The following MEIS2 variants were observed in gnomAD, a reference collection of about 807,000 sequenced individuals.
The protein encoded by MEIS2 is homeobox protein Meis2.
In MEIS2, 9 loss-of-function variants were observed where a neutral mutation model predicts 58.6. The observed-to-expected ratio is 0.15, with a 90% CI of 0.09 to 0.27. The LOEUF (loss-of-function observed/expected upper bound fraction) is 0.27, where lower values mean the gene tolerates loss of function less well. Ranked by LOEUF, MEIS2 falls within the 10% of genes least tolerant of loss-of-function variation. The pLI is 1.00. For synonymous variants in MEIS2, 221 were observed against 228.4 expected (o/e 0.97, Z 0.29); for missense variants, 427 against 635.0 (o/e 0.67, Z 3.52).
chr15:37,053,441 T>C (rs972824139), intron 7 of MEIS2, among the ~76,000 whole-genome samples: 3 of 152,202 alleles, frequency 2.0e-5, no homozygotes, highest in Non-Finnish European at 2.9e-5. Context: ...CTTCACTTCA[T>C]AGCTGTAAAA....
chr15:37,049,140 AAT>A (rs1243302364), intron 7 of MEIS2, among the ~76,000 whole-genome samples: 1 of 152,224 alleles, frequency 6.6e-6, no homozygotes, highest in Non-Finnish European at 1.5e-5. Flanking sequence ...AATGCAAATG[AAT>A]ATCTACAACA....
intron 7 of MEIS2, among the ~76,000 whole-genome samples, chr15:37,078,501 C>A (rs748324088): frequency 7.4e-6 from 1 of 135,988 alleles, no homozygotes; most frequent in Non-Finnish European, 1.6e-5. Flanking sequence ...AGCACATCTC[C>A]ATTAAATATC....
intron 8 of MEIS2, among the ~76,000 whole-genome samples, chr15:37,021,140 T>C (rs1028196977): frequency 2.0e-5 from 3 of 152,218 alleles, no homozygotes; most frequent in Non-Finnish European, 4.4e-5. Flanking sequence ...GGTATTTTGT[T>C]ATGGCAGCCC....
intron 9 of MEIS2, among the ~76,000 whole-genome samples, chr15:36,936,269 A>G (rs2058169607): frequency 2.3e-5 from 2 of 85,812 alleles, no homozygotes; most frequent in Non-Finnish European, 4.5e-5. Context: ...ATCTCGGCTC[A>G]CTGCAAGCTC....
rs148267561 is a variant in MEIS2, at chr15:36,938,882, G to A, written c.977+11442C>T. 9.2e-5 allele frequency among the ~76,000 whole-genome samples: 14 copies of A among 152,290 alleles called. No individual in the cohort carries two copies. The East Asian group carries it at 1.5e-3, about 17-fold the overall frequency. On this transcript the variant is annotated intron_variant, in intron 9 of 11. Transcript: ENST00000561208. The stretch of plus-strand genomic sequence containing the variant: ...GACCCAAGCTGCTGATGTCCAGCCC[G>A]TTCTCTTTCACGCACCACACTGCAT...
At chr15:36,920,880 A>G (rs1440498669) in intron 9 of MEIS2, among the ~76,000 whole-genome samples, 2 of 152,188 alleles carry the variant, frequency 1.3e-5, no homozygotes, top group Non-Finnish European at 2.9e-5. Flanking sequence ...CAGTCTGACA[A>G]ATATGGGTGG....
At chr15:36,982,127 A>G (rs1479413720) in intron 8 of MEIS2, among the ~76,000 whole-genome samples, 1 of 152,106 alleles carries the variant, frequency 6.6e-6, no homozygotes, top group Non-Finnish European at 1.5e-5. Context: ...CAATTCACAC[A>G]ATAAATTTCC....
chr15:36,950,119 G>T (rs143264282), intron 9 of MEIS2, among the ~76,000 whole-genome samples: 4 of 151,034 alleles, frequency 2.6e-5, no homozygotes, highest in Non-Finnish European at 5.9e-5. Flanking sequence ...GAGAGAAAAA[G>T]AAAAGGAATA....
intron 9 of MEIS2, among the ~76,000 whole-genome samples, chr15:36,932,432 A>T (rs1483164556): frequency 6.6e-6 from 1 of 152,254 alleles, no homozygotes; most frequent in Non-Finnish European, 1.5e-5. Context: ...AGTGAGAACC[A>T]TCTGTTGCCA....
At position 37,099,565 on chromosome 15, in the gene MEIS2, C is replaced by G; in HGVS notation, c.-99G>C. Reference sequence around the variant, plus strand: ...GCTGAAGATTCCTTTTTTTTTTTTCCAAACCAAAGAGACTTCTCCCAATTC... The same window carrying G: ...GCTGAAGATTCCTTTTTTTTTTTTCGAAACCAAAGAGACTTCTCCCAATTC... On this transcript the variant is annotated 5_prime_UTR_variant, in exon 1 of 12. Coordinates refer to ENST00000561208, the MANE Select transcript of MEIS2 (RefSeq NM_170675.5). 2 of 1,515,468 alleles carry G rather than the reference C, an allele frequency of 1.3e-6. No homozygotes were observed. The highest frequency in any genetic ancestry group is 2.3e-5 in the East Asian group (1 of 43,194). The allele number at this position is 1,515,468 out of a possible 1,614,324, so 93.9% of individuals were successfully genotyped here. A position where few individuals can be genotyped will look rare whatever the true frequency, so the allele number is the denominator to read the frequency against.
rs142096380 is a variant in MEIS2 at position 36,895,556 on chromosome 15, G to T, written c.1037-295C>A. 6.0e-4 allele frequency among the ~76,000 whole-genome samples: 91 copies of T among 152,254 alleles called. No homozygotes were observed. The East Asian group carries it at 0.013, about 21-fold the overall frequency. The stretch of plus-strand genomic sequence containing the variant: ...GGGACGAAGGCTGGAGAAGTTAGGG[G>T]TACCCCATATACAAATATTGCAATG... On this transcript the variant is annotated intron_variant, in intron 10 of 11. Transcript: ENST00000561208.
chr15:36,953,644 C>CTTTATGATAGAATA (rs1454645327), intron 8 of MEIS2, among the ~76,000 whole-genome samples: 1 of 152,152 alleles, frequency 6.6e-6, no homozygotes, highest in Non-Finnish European at 1.5e-5. Context: ...TCTAAAGCCA[C>CTTTATGATAGAATA]TGTTGAATAG....
chr15:36,956,542 G>C (rs1308847439), intron 8 of MEIS2, among the ~76,000 whole-genome samples: 1 of 152,124 alleles, frequency 6.6e-6, no homozygotes, highest in Non-Finnish European at 1.5e-5. Flanking sequence ...CCCAAGTTAG[G>C]TTAATGGGAG....
chr15:37,046,300 T>C (rs1243397523), intron 7 of MEIS2, among the ~76,000 whole-genome samples: 1 of 152,128 alleles, frequency 6.6e-6, no homozygotes, highest in Non-Finnish European at 1.5e-5. Flanking sequence ...CGAGACAACC[T>C]GGCTGGTACA....
At chr15:36,920,146 A>T (rs2141292948) in intron 9 of MEIS2, among the ~76,000 whole-genome samples, 1 of 151,412 alleles carries the variant, frequency 6.6e-6, no homozygotes, top group African/African-American at 2.4e-5. Flanking sequence ...TTATTTATTT[A>T]TTTATTTATT....
intron 9 of MEIS2, among the ~76,000 whole-genome samples, chr15:36,928,811 G>C (rs2057852245): frequency 6.6e-6 from 1 of 152,124 alleles, no homozygotes; most frequent in African/African-American, 2.4e-5. Context: ...ATTGAAAATA[G>C]TATCTTCTAT....
At chr15:36,982,325 C>T (rs763144785) in intron 8 of MEIS2, among the ~76,000 whole-genome samples, 8 of 152,136 alleles carry the variant, frequency 5.3e-5, no homozygotes, top group Non-Finnish European at 8.8e-5. Flanking sequence ...TTCTCCCAGC[C>T]CATGGCAATC....
At chr15:36,971,542 A>AAAAAAAAAAAAAAAAAAG (rs2059566627) in intron 8 of MEIS2, among the ~76,000 whole-genome samples, 1 of 114,470 alleles carries the variant, frequency 8.7e-6, no homozygotes, top group African/African-American at 3.1e-5. Flanking sequence ...TACATTAAAA[A>AAAAAAAAAAAAAAAAAAG]AAAAAAAAAA....
intron 9 of MEIS2, among the ~76,000 whole-genome samples, chr15:36,931,433 AC>A (rs1455341531): frequency 6.6e-6 from 1 of 152,226 alleles, no homozygotes; most frequent in African/African-American, 2.4e-5. Flanking sequence ...TTGTGTTGTA[AC>A]TTTTAAAATA....
Sources: gnomAD v4.1 joint callset for allele counts (sites outside exome capture counted in the v4.1 genomes callset) on GRCh38, gnomAD v4.1.1 for gene constraint, MANE v1.5 for transcripts, NCBI Gene and HGNC (gene_info 2026-07-23, HGNC 2026-07-21) for gene names.